Variants in PALLD observed in about 807,000 individuals in gnomAD.
PALLD encodes palladin.
In PALLD, 61 loss-of-function variants were observed where a neutral mutation model predicts 123.5. That is an observed-to-expected ratio of 0.49 (90% CI 0.40 to 0.61). The LOEUF is 0.61. Ranked by LOEUF, PALLD falls within the 20% of genes least tolerant of loss-of-function variation. The pLI is 0.00. For missense variants in PALLD, 1,273 were observed against 1,377.0 expected, an observed-to-expected ratio of 0.92 and a Z score of 1.20; for synonymous variants, 465 against 496.4, an observed-to-expected ratio of 0.94 and a Z score of 0.84.
At chr4:168,752,737 A>AT (rs34733052) in intron 10 of PALLD, among the ~76,000 whole-genome samples, 53,979 of 151,284 alleles carry the variant, frequency 0.36, 9,799 homozygotes, top group Middle Eastern at 0.4. Flanking sequence ...TATGGTAGTA[A>AT]TTTTTTTTTG....
At chr4:168,605,994 T>C (rs1773129980) in intron 2 of PALLD, among the ~76,000 whole-genome samples, 1 of 152,188 alleles carries the variant, frequency 6.6e-6, no homozygotes, top group Non-Finnish European at 1.5e-5. Context: ...GGCATCTATA[T>C]TTTAAATTTC....
chr4:168,653,149 C>G (rs58796309), intron 2 of PALLD, among the ~76,000 whole-genome samples: 2,900 of 152,276 alleles, frequency 0.019, 88 homozygotes, highest in African/African-American at 0.065. Flanking sequence ...TCTATTTCAT[C>G]TTTGAACATA....
chr4:168,811,545 G>A (rs536606466), intron 10 of PALLD, among the ~76,000 whole-genome samples: 49 of 152,088 alleles, frequency 3.2e-4, no homozygotes, highest in Non-Finnish European at 5.9e-4. Flanking sequence ...GACCAACCTG[G>A]AAAATATAGT....
intron 2 of PALLD, among the ~76,000 whole-genome samples, chr4:168,552,770 G>A (rs1766870089): frequency 6.6e-6 from 1 of 151,918 alleles, no homozygotes; most frequent in Non-Finnish European, 1.5e-5. Flanking sequence ...CTGCCTCCCG[G>A]GCTCATGCGA....
chr4:168,853,672 T>G (rs1581770135), intron 10 of PALLD, among the ~76,000 whole-genome samples: 1 of 149,434 alleles, frequency 6.7e-6, no homozygotes. Flanking sequence ...AGAATGGGGG[T>G]GGGAGGGAGA....
rs1436460571 is a variant in PALLD at position 168,631,960 on chromosome 4, A to C, written c.909-36230A>C. The C allele has an allele frequency of 1.4e-5, 13 of 946,632 alleles. No individual in the cohort carries two copies. The African/African-American group carries it at 1.9e-4, about 14-fold the overall frequency. The allele number at this position is 946,632 out of a possible 1,614,324, so 58.6% of individuals were successfully genotyped here. ...GGAAATAAAGCTTTGCAGCCTTTCC[A>C]GGCAGTGGCATGCAAGTACTCGTGC... On this transcript the variant is annotated intron_variant, in intron 2 of 21. Transcript: ENST00000505667.
intron 8 of PALLD, among the ~76,000 whole-genome samples, chr4:168,703,625 A>C (rs1783922004): frequency 7.7e-6 from 1 of 130,390 alleles, no homozygotes; most frequent in South Asian, 2.6e-4. Flanking sequence ...ATGGTATCTC[A>C]TTGTGGTTTT....
chr4:168,658,151 A>G (rs1270707092), intron 2 of PALLD, among the ~76,000 whole-genome samples: 1 of 152,110 alleles, frequency 6.6e-6, no homozygotes, highest in African/African-American at 2.4e-5. Flanking sequence ...GGTCCTTTCC[A>G]CTGCATCAAC....
intron 2 of PALLD, among the ~76,000 whole-genome samples, chr4:168,525,870 T>C (rs1763995578): frequency 6.6e-6 from 1 of 152,222 alleles, no homozygotes; most frequent in South Asian, 2.1e-4. Flanking sequence ...TCTATCCTAT[T>C]ACAAATCAAA....
At chr4:168,548,049 CAAACAAACAA>C (rs1766344184) in intron 2 of PALLD, among the ~76,000 whole-genome samples, 1 of 150,846 alleles carries the variant, frequency 6.6e-6, no homozygotes. Flanking sequence ...AACAAACAAA[CAAACAAACAA>C]AAAAGTCTCC....
At chr4:168,787,306 T>C (rs12331592) in intron 10 of PALLD, among the ~76,000 whole-genome samples, 47,940 of 152,118 alleles carry the variant, frequency 0.32, 8,505 homozygotes, top group Non-Finnish European at 0.41. Context: ...TTTTCAGTCA[T>C]ATTATGTGTG....
chr4:168,657,091 T>G (rs924238931), intron 2 of PALLD, among the ~76,000 whole-genome samples: 6 of 152,244 alleles, frequency 3.9e-5, no homozygotes, highest in Non-Finnish European at 8.8e-5. Flanking sequence ...GATGAGGTTT[T>G]AGTGATAATC....
At chr4:168,802,634 T>TA (rs1739517502) in intron 10 of PALLD, among the ~76,000 whole-genome samples, 1 of 151,944 alleles carries the variant, frequency 6.6e-6, no homozygotes, top group Non-Finnish European at 1.5e-5. Flanking sequence ...TACTGTTTGA[T>TA]AAAAAGGAAC....
intron 2 of PALLD, among the ~76,000 whole-genome samples, chr4:168,635,798 T>C (rs1050320684): frequency 6.6e-5 from 10 of 152,158 alleles, no homozygotes; most frequent in African/African-American, 2.2e-4. Context: ...TTCCCGCAGT[T>C]TGAGTCTGTG....
intron 14 of PALLD, 110 bp downstream of exon 14, chr4:168,898,824 C>A: frequency 1.3e-6 from 1 of 780,056 alleles, no homozygotes; most frequent in Non-Finnish European, 2.3e-6. Flanking sequence ...TTTCTCAATA[C>A]CCACGATATA....
At chr4:168,508,973 T>G (rs912414587) in intron 1 of PALLD, among the ~76,000 whole-genome samples, 1 of 152,130 alleles carries the variant, frequency 6.6e-6, no homozygotes, top group African/African-American at 2.4e-5. Flanking sequence ...GGACAAACTA[T>G]AAAACGTTTT....
chr4:168,510,650 T>C (rs1422747990), intron 1 of PALLD, among the ~76,000 whole-genome samples: 1 of 152,210 alleles, frequency 6.6e-6, no homozygotes, highest in Admixed American at 6.5e-5. Context: ...AAATTAAATA[T>C]CAAAATAATA....
rs368133043 is a variant in PALLD at position 168,763,023 on chromosome 4, TG to T, written c.1964+51104del. On this transcript the variant is annotated intron_variant, in intron 10 of 21. Transcript: ENST00000505667. ...GGGAACATCACACACTGGGGCCTGT[TG>T]GGGTAGGGGGCAAAGGGAGGGAAGC... 6.4e-3 allele frequency among the ~76,000 whole-genome samples: 979 copies of T among 152,044 alleles called. 8 individuals carry two copies. The highest frequency in any genetic ancestry group is 0.023 in the African/African-American group (936 of 41,466).
rs1490992568 is a variant in PALLD at position 168,762,069 on chromosome 4, C to T, written c.1964+50146C>T. On this transcript the variant is annotated intron_variant, in intron 10 of 21. Transcript: ENST00000505667. ...ATTTTTTAATAGTCCATAAACATTG[C>T]GAAGTAACTTGGGACTCATACATAC... Among the ~76,000 whole-genome samples the T allele has an allele frequency of 2.2e-5, 3 of 138,448 alleles. No individual in the cohort carries two copies. In the East Asian group the frequency reaches 6.5e-4, roughly 30 times the overall value. 90.8% of individuals were successfully genotyped at this position (138,448 alleles called of 152,430 possible).
Sources: gnomAD v4.1 joint callset for allele counts (sites outside exome capture counted in the v4.1 genomes callset) on GRCh38, gnomAD v4.1.1 for gene constraint, MANE v1.5 for transcripts, NCBI Gene and HGNC (gene_info 2026-07-23, HGNC 2026-07-21) for gene names.